Variants in ZBTB8OS observed in about 807,000 individuals in gnomAD.
ZBTB8OS encodes the protein tRNA splicing ligase complex subunit 1, also known as tRNA-splicing ligase-activating factor archease.
ZBTB8OS carries 16 observed loss-of-function variants against 29.3 expected under a neutral mutation model. That is an observed-to-expected ratio of 0.55 (90% confidence interval 0.37 to 0.83). The LOEUF is 0.83. ZBTB8OS is among the 40% of genes least tolerant of loss of function. ZBTB8OS has a pLI of 0.00. For synonymous variants in ZBTB8OS, 70 were observed against 64.6 expected, an observed-to-expected ratio of 1.08 and a Z score of -0.40; for missense variants, 160 against 196.9, an observed-to-expected ratio of 0.81 and a Z score of 1.12.
At chr1:32,647,699 C>T (rs773503605) in intron 1 of ZBTB8OS, among the ~76,000 whole-genome samples, 2 of 152,134 alleles carry the variant, frequency 1.3e-5, no homozygotes, top group Non-Finnish European at 1.5e-5. Flanking sequence ...AGGCTGTGTG[C>T]TCCTTATGAG....
Position 32,621,779 on chromosome 1 carries a change from T to C in ZBTB8OS, c.*83A>G. 4 of 962,970 alleles carry C rather than the reference T, an allele frequency of 4.2e-6. No individual in the cohort carries two copies. Among genetic ancestry groups the C allele is most frequent in the South Asian group, 1.5e-5 (1 of 67,690 alleles). 59.7% of individuals were successfully genotyped at this position (962,970 alleles called of 1,614,324 possible). A position where few individuals can be genotyped will look rare whatever the true frequency, so the allele number is the denominator to read the frequency against. ...ATTTCCATATATCAAAAAAAAGCTGTAGAATTTAATTCATAGTGTCTTCTC... is the reference window on the plus strand; with the variant it reads ...ATTTCCATATATCAAAAAAAAGCTGCAGAATTTAATTCATAGTGTCTTCTC... On this transcript the variant is annotated 3_prime_UTR_variant, in exon 7 of 7. Transcript: ENST00000468695.
intron 1 of ZBTB8OS, among the ~76,000 whole-genome samples, chr1:32,638,268 C>T (rs1570630314): frequency 7.1e-6 from 1 of 140,756 alleles, no homozygotes; most frequent in East Asian, 2.1e-4. Flanking sequence ...CAGAGCCTCG[C>T]TGCAACTTCC....
At chr1:32,634,186 A>C in intron 2 of ZBTB8OS, 114 bp from the exon 3 acceptor site, 1 of 943,428 alleles carries the variant, frequency 1.1e-6, no homozygotes, top group Non-Finnish European at 1.5e-6. Flanking sequence ...TAAGGCCTCA[A>C]TCAATTTAAC....
At chr1:32,625,653 C>T (rs940033374) in intron 6 of ZBTB8OS, among the ~76,000 whole-genome samples, 2 of 152,188 alleles carry the variant, frequency 1.3e-5, no homozygotes, top group African/African-American at 4.8e-5. Context: ...GGGGGGATTG[C>T]TTGAGACTAG....
rs1644758700 is a variant in ZBTB8OS, at chr1:32,621,560, G to A, written c.*302C>T. 2 of 316,358 alleles carry A rather than the reference G, an allele frequency of 6.3e-6. No individual in the cohort carries two copies. Among genetic ancestry groups the A allele is most frequent in the South Asian group, 4.9e-5 (1 of 20,448 alleles). 19.6% of individuals were successfully genotyped at this position (316,358 alleles called of 1,614,324 possible). ...CAGTGATCCTCTCTGGGGTGAGGCT[G>A]GAGGGCTTGCATTGCACTGGAAGGG... is the stretch of plus-strand genomic sequence containing the variant. On this transcript the variant is annotated 3_prime_UTR_variant, in exon 7 of 7. Transcript: ENST00000468695.
chr1:32,642,266 G>A (rs1216785976), intron 1 of ZBTB8OS, among the ~76,000 whole-genome samples: 2 of 152,138 alleles, frequency 1.3e-5, no homozygotes, highest in African/African-American at 4.8e-5. Context: ...CACTTTGGGA[G>A]GCCAAGGCAG....
chr1:32,636,687 A>C (rs1462443214), intron 1 of ZBTB8OS, among the ~76,000 whole-genome samples: 1 of 150,040 alleles, frequency 6.7e-6, no homozygotes, highest in African/African-American at 2.5e-5. Flanking sequence ...CAAAACTCAA[A>C]AAATGGAAAA....
chr1:32,650,695 A>C, upstream of ZBTB8OS: 1 of 1,283,648 alleles, frequency 7.8e-7, no homozygotes, highest in East Asian at 2.4e-5. Context: ...TGCCGCTTGG[A>C]TCGCATATTT....
At chr1:32,630,842 T>A (rs1645493321) in intron 5 of ZBTB8OS, among the ~76,000 whole-genome samples, 1 of 150,988 alleles carries the variant, frequency 6.6e-6, no homozygotes, top group Non-Finnish European at 1.5e-5. Context: ...TGAAACCCCG[T>A]CTATACTAAA....
intron 6 of ZBTB8OS, among the ~76,000 whole-genome samples, chr1:32,623,344 G>A (rs993915729): frequency 4.6e-5 from 7 of 152,100 alleles, no homozygotes; most frequent in Non-Finnish European, 8.8e-5. Flanking sequence ...TTCAGTACTC[G>A]CAGTAAAATC....
At chr1:32,627,808 G>A in intron 5 of ZBTB8OS, 2 of 449,892 alleles carry the variant, frequency 4.4e-6, no homozygotes, top group South Asian at 3.0e-5. Flanking sequence ...AGGCCAAAGG[G>A]AGGATCGCTT....
Position 32,626,082 on chromosome 1 carries a change from G to A in ZBTB8OS, c.417+1426C>T, listed in dbSNP as rs770641830. Among the ~76,000 whole-genome samples, 7 of 151,892 alleles carry A rather than the reference G, an allele frequency of 4.6e-5. No homozygotes were observed. The East Asian group carries it at 7.7e-4, about 17-fold the overall frequency. Reference sequence around the variant, plus strand: ...GAGATGGGGTTTCACCACGTTGGCCGGGCTGGTCTAGAACTCCTGACTTCA... The same window carrying A: ...GAGATGGGGTTTCACCACGTTGGCCAGGCTGGTCTAGAACTCCTGACTTCA... On this transcript the variant is annotated intron_variant, in intron 6 of 6. Coordinates refer to ENST00000468695, the MANE Select transcript of ZBTB8OS (RefSeq NM_178547.5).
intron 6 of ZBTB8OS, among the ~76,000 whole-genome samples, chr1:32,623,770 G>C (rs1570433985): frequency 6.6e-6 from 1 of 152,122 alleles, no homozygotes; most frequent in Non-Finnish European, 1.5e-5. Context: ...CACCTAGAAA[G>C]TTCTTCCTTA....
intron 1 of ZBTB8OS, among the ~76,000 whole-genome samples, chr1:32,638,312 C>A (rs576909975): frequency 6.8e-6 from 1 of 147,858 alleles, no homozygotes; most frequent in East Asian, 2.0e-4. Context: ...CCTGCCTTAG[C>A]CTCCTAAGTA....
At chr1:32,628,418 CCT>C (rs1382757682) in intron 5 of ZBTB8OS, among the ~76,000 whole-genome samples, 1 of 149,630 alleles carries the variant, frequency 6.7e-6, no homozygotes, top group East Asian at 2.0e-4. Context: ...AGGCGGATCA[CCT>C]GAGGTCAGGA....
intron 1 of ZBTB8OS, among the ~76,000 whole-genome samples, chr1:32,646,845 T>A (rs1646875250): frequency 7.0e-6 from 1 of 143,510 alleles, no homozygotes; most frequent in Non-Finnish European, 1.5e-5. Flanking sequence ...AAGACCATCC[T>A]GGCCAGCATG....
chr1:32,635,080 T>A (rs973490704), intron 1 of ZBTB8OS, among the ~76,000 whole-genome samples: 3 of 150,950 alleles, frequency 2.0e-5, no homozygotes, highest in African/African-American at 7.3e-5. Context: ...AATAAATAAA[T>A]AAAATTCCAG....
chr1:32,630,928 G>A lies in ZBTB8OS; in HGVS notation c.380+899C>T, dbSNP rs191297692. ...CTCGGGAGGCTGAGGCAGAAGAATC[G>A]CTTGAACCCAGGAGGTGGAGGTTGC... On this transcript the variant is annotated intron_variant, in intron 5 of 6. Coordinates refer to ENST00000468695, the MANE Select transcript of ZBTB8OS (RefSeq NM_178547.5). Among the ~76,000 whole-genome samples, 37 of 151,946 alleles carry A rather than the reference G, an allele frequency of 2.4e-4. No individual in the cohort carries two copies. In the East Asian group the frequency reaches 6.2e-3, roughly 26 times the overall value.
At chr1:32,639,978 A>G (rs1408684837) in intron 1 of ZBTB8OS, 3 of 152,314 alleles carry the variant, frequency 2.0e-5, no homozygotes, top group Admixed American at 2.0e-4. Flanking sequence ...TGATGTTTAC[A>G]ATTAATTCAT....
Sources: allele counts gnomAD v4.1 joint callset (sites outside exome capture counted in the v4.1 genomes callset), GRCh38; gene constraint gnomAD v4.1.1; transcripts MANE v1.5; gene names NCBI Gene and HGNC (gene_info 2026-07-23, HGNC 2026-07-21).